The following MYO16 variants were observed in gnomAD, a reference collection of about 807,000 sequenced individuals.
MYO16 encodes unconventional myosin-XVI.
Under a neutral mutation model 205.3 loss-of-function variants are expected in MYO16, and 94 were observed. The observed-to-expected ratio is 0.46, with a 90% confidence interval of 0.39 to 0.54. The LOEUF (loss-of-function observed/expected upper bound fraction) is 0.54. MYO16 is among the 20% of genes least tolerant of loss of function. The pLI is 0.00. For synonymous variants in MYO16, 988 were observed against 954.0 expected (o/e 1.04, Z -0.66); for missense variants, 2,315 against 2,387.5 (o/e 0.97, Z 0.63).
chr13:108,947,256 G>A (rs1882973319), intron 16 of MYO16, among the ~76,000 whole-genome samples: 1 of 152,188 alleles, frequency 6.6e-6, no homozygotes, highest in African/African-American at 2.4e-5. Flanking sequence ...CCTTACACAT[G>A]CTTTCTGGTC....
intron 2 of MYO16, among the ~76,000 whole-genome samples, chr13:108,701,409 G>T (rs1051230225): frequency 6.6e-6 from 1 of 152,056 alleles, no homozygotes; most frequent in Non-Finnish European, 1.5e-5. Flanking sequence ...TTGTTATCGT[G>T]GGAGTGGCCC....
chr13:109,175,007 C>T (rs1161371695), intron 33 of MYO16, among the ~76,000 whole-genome samples: 1 of 152,076 alleles, frequency 6.6e-6, no homozygotes, highest in Non-Finnish European at 1.5e-5. Context: ...GCCTCAGCCT[C>T]TCAAAGTGCT....
At chr13:109,066,878 A>C (rs1887765087) in intron 27 of MYO16, among the ~76,000 whole-genome samples, 1 of 152,202 alleles carries the variant, frequency 6.6e-6, no homozygotes, top group Admixed American at 6.5e-5. Context: ...AAGATTTTTT[A>C]GAAAAACGGA....
intron 2 of MYO16, among the ~76,000 whole-genome samples, chr13:108,679,773 T>G (rs1882385143): frequency 6.6e-6 from 1 of 151,794 alleles, no homozygotes; most frequent in African/African-American, 2.4e-5. Flanking sequence ...CTTGTAATAA[T>G]GCTTAGTTTC....
chr13:108,891,959 A>G (rs1425929026), intron 14 of MYO16, among the ~76,000 whole-genome samples: 1 of 152,146 alleles, frequency 6.6e-6, no homozygotes, highest in African/African-American at 2.4e-5. Flanking sequence ...CTTTAAATTT[A>G]TAGTATCTGA....
At chr13:108,748,785 G>T (rs2139630185) in intron 4 of MYO16, among the ~76,000 whole-genome samples, 1 of 152,244 alleles carries the variant, frequency 6.6e-6, no homozygotes, top group Non-Finnish European at 1.5e-5. Context: ...GCAAAAGAAT[G>T]AACCTGGAAA....
At chr13:109,022,130 TACA>T (rs59273998) in intron 23 of MYO16, among the ~76,000 whole-genome samples, 13 of 138,784 alleles carry the variant, frequency 9.4e-5, no homozygotes, top group African/African-American at 3.6e-4. Context: ...CAAATATATA[TACA>T]TATATATATT....
At chr13:108,531,712 C>T in the MYO16 span, among the ~76,000 whole-genome samples, 1 of 151,462 alleles carries the variant, frequency 6.6e-6, no homozygotes, top group Non-Finnish European at 1.5e-5. Flanking sequence ...TCACACAAGG[C>T]ACAGGGCCTG....
At position 108,785,722 on chromosome 13, in the gene MYO16, T is replaced by C; in HGVS notation, c.595T>C (p.Leu199=). ...AGGGACAGAATCCAGCTCTATCCTG[T>C]TGACCTATCTGGATGAAAATGGTAG... ...VEGTESSSIL[L]TYLDENGVDL... is the part of the protein sequence containing the mutation. The change falls in exon 5 of 35, where the codon TTG becomes CTG. Residue 199 remains leucine, a synonymous_variant. Transcript: ENST00000457511. 2 of 1,607,328 alleles carry C rather than the reference T, an allele frequency of 1.2e-6. No homozygotes were observed. Among genetic ancestry groups the C allele is most frequent in the Middle Eastern group, 1.7e-4 (1 of 6,028 alleles).
intron 4 of MYO16, among the ~76,000 whole-genome samples, chr13:108,734,719 A>C (rs1291946800): frequency 6.6e-6 from 1 of 152,244 alleles, no homozygotes; most frequent in Non-Finnish European, 1.5e-5. Flanking sequence ...GCAGCATGGC[A>C]CCAGGGCACT....
At chr13:108,498,685 C>T in the MYO16 span, among the ~76,000 whole-genome samples, 1 of 152,088 alleles carries the variant, frequency 6.6e-6, no homozygotes. Context: ...AAAAGCCAGG[C>T]CGTAAAAGCA....
At chr13:108,877,548 A>T (rs537424740) in intron 12 of MYO16, among the ~76,000 whole-genome samples, 23 of 152,378 alleles carry the variant, frequency 1.5e-4, no homozygotes, top group Admixed American at 3.9e-4. Flanking sequence ...TATTGTCATT[A>T]TGACTAAACT....
chr13:108,898,498 A>G (rs1321759362), intron 15 of MYO16, among the ~76,000 whole-genome samples: 8 of 152,106 alleles, frequency 5.3e-5, no homozygotes, highest in Non-Finnish European at 1.2e-4. Flanking sequence ...GGGCTATATA[A>G]TGAGAAACCA....
chr13:108,517,289 T>G, the MYO16 span, among the ~76,000 whole-genome samples: 3 of 152,176 alleles, frequency 2.0e-5, no homozygotes, highest in Admixed American at 2.0e-4. Context: ...TACGTATGTG[T>G]ACATGTGTCT....
chr13:108,768,153 A>G (rs1314956504), intron 4 of MYO16, among the ~76,000 whole-genome samples: 2 of 152,102 alleles, frequency 1.3e-5, no homozygotes, highest in Non-Finnish European at 2.9e-5. Context: ...GCCATGTGTC[A>G]TCTTCTCCCT....
Position 109,052,276 on chromosome 13 carries a change from G to A in MYO16, c.2873-24G>A, listed in dbSNP as rs777990461. Reference sequence around the variant, plus strand: ...AAGTAATAATTTTAGTGCCACTTACGATATTCATTTATTTATTTCCTAGCT... The same window carrying A: ...AAGTAATAATTTTAGTGCCACTTACAATATTCATTTATTTATTTCCTAGCT... On this transcript the variant is annotated intron_variant, in intron 24 of 34. Transcript: ENST00000457511. The A allele has an allele frequency of 3.1e-6, 5 of 1,596,360 alleles. No homozygotes were observed. The African/African-American group carries it at 5.4e-5, about 17-fold the overall frequency.
intron 10 of MYO16, among the ~76,000 whole-genome samples, chr13:108,851,228 G>A (rs1038115299): frequency 1.3e-5 from 2 of 152,070 alleles, no homozygotes; most frequent in African/African-American, 4.8e-5. Context: ...ATCATTTATT[G>A]ATTTACATCA....
At chr13:108,951,050 T>TG (rs1295307193) in intron 16 of MYO16, among the ~76,000 whole-genome samples, 4 of 152,320 alleles carry the variant, frequency 2.6e-5, no homozygotes, top group African/African-American at 9.6e-5. Context: ...GTTTTTTTGT[T>TG]TTTGTTTTTT....
chr13:109,018,585 T>C (rs1045641472), intron 22 of MYO16, among the ~76,000 whole-genome samples: 1 of 152,138 alleles, frequency 6.6e-6, no homozygotes, highest in African/African-American at 2.4e-5. Context: ...CATCTCGGAC[T>C]AGCAGTGAGC....
Sources: allele counts gnomAD v4.1 joint callset (sites outside exome capture counted in the v4.1 genomes callset), GRCh38; gene constraint gnomAD v4.1.1; transcripts MANE v1.5; gene names NCBI Gene and HGNC (gene_info 2026-07-23, HGNC 2026-07-21).